The following SLCO3A1 variants were observed in gnomAD, a reference collection of about 807,000 sequenced individuals.
SLCO3A1 encodes the protein solute carrier organic anion transporter family member 3A1, also known as PGE1 transporter.
Under a neutral mutation model 63.1 loss-of-function variants are expected in SLCO3A1, and 27 were observed. The ratio of observed to expected loss-of-function variants is 0.43; its 90% confidence interval spans 0.32 to 0.59. The LOEUF is 0.59. Ranked by LOEUF, SLCO3A1 falls within the 20% of genes least tolerant of loss-of-function variation. The pLI is 0.09. For synonymous variants in SLCO3A1, 473 were observed against 409.9 expected (o/e 1.15, Z -1.86); for missense variants, 773 against 945.8 (o/e 0.82, Z 2.40).
At chr15:91,951,558 C>CTTT (rs527858153) in intron 2 of SLCO3A1, among the ~76,000 whole-genome samples, 2 of 138,106 alleles carry the variant, frequency 1.4e-5, no homozygotes, top group African/African-American at 5.3e-5. Flanking sequence ...TTTTTCTTTT[C>CTTT]TTTTTTTTTT....
chr15:92,028,116 G>C (rs893388561), intron 2 of SLCO3A1, among the ~76,000 whole-genome samples: 2 of 152,178 alleles, frequency 1.3e-5, no homozygotes, highest in Non-Finnish European at 2.9e-5. Context: ...AGCACCATGT[G>C]GGAAACAAAG....
At chr15:92,074,891 C>T (rs1423741150) in intron 2 of SLCO3A1, among the ~76,000 whole-genome samples, 3 of 152,134 alleles carry the variant, frequency 2.0e-5, no homozygotes, top group East Asian at 1.9e-4. Context: ...ACTTCACACC[C>T]GTGGCATAGA....
At chr15:91,891,629 T>C (rs886472920) in intron 1 of SLCO3A1, among the ~76,000 whole-genome samples, 1 of 152,208 alleles carries the variant, frequency 6.6e-6, no homozygotes, top group African/African-American at 2.4e-5. Context: ...TCTCTACATA[T>C]ACAAAATTAG....
chr15:92,053,697 T>C (rs1213029398), intron 2 of SLCO3A1, among the ~76,000 whole-genome samples: 1 of 15,262 alleles, frequency 6.6e-5, no homozygotes, highest in Non-Finnish European at 3.1e-4. Flanking sequence ...TGTTTGTTTG[T>C]TTTTTTTTTT....
rs1567092399 is a variant in SLCO3A1, at chr15:92,053,684, G to GTTTTTTT, written c.647-41194_647-41193insTTTTTTT. Among the ~76,000 whole-genome samples, 16 of 14,912 alleles carry GTTTTTTT rather than the reference G, an allele frequency of 1.1e-3. 1 individual carries two copies. The highest frequency in any genetic ancestry group is 1.7e-3 in the African/African-American group (16 of 9,178). 9.8% of individuals were successfully genotyped at this position (14,912 alleles called of 152,430 possible). On this transcript the variant is annotated intron_variant, in intron 2 of 9. Coordinates refer to ENST00000318445, the MANE Select transcript of SLCO3A1 (RefSeq NM_013272.4). ...TTGTGATTTTATGTTTTGTTTTTTT[G>GTTTTTTT]TTTGTTTGTTTGTTTTTTTTTTTTT...
At chr15:91,926,939 G>A (rs1241125303) in intron 2 of SLCO3A1, among the ~76,000 whole-genome samples, 1 of 152,138 alleles carries the variant, frequency 6.6e-6, no homozygotes, top group African/African-American at 2.4e-5. Context: ...TTGGTGACAG[G>A]CATTTTGGGG....
At chr15:92,005,343 GA>G (rs1381618287) in intron 2 of SLCO3A1, among the ~76,000 whole-genome samples, 1 of 152,224 alleles carries the variant, frequency 6.6e-6, no homozygotes, top group Non-Finnish European at 1.5e-5. Flanking sequence ...GAGGTGCAGT[GA>G]TGGCCATAGT....
intron 2 of SLCO3A1, among the ~76,000 whole-genome samples, chr15:92,006,567 C>G (rs553199190): frequency 2.0e-5 from 3 of 152,262 alleles, no homozygotes; most frequent in South Asian, 4.1e-4. Context: ...TCTGCCTGAT[C>G]CAGCCCTTTC....
chr15:91,957,807 T>C (rs557269066), intron 2 of SLCO3A1, among the ~76,000 whole-genome samples: 5 of 152,184 alleles, frequency 3.3e-5, no homozygotes, highest in Non-Finnish European at 7.3e-5. Context: ...TAATTAGATA[T>C]ATAGTTTCTG....
intron 2 of SLCO3A1, among the ~76,000 whole-genome samples, chr15:91,943,676 A>G (rs1899700557): frequency 6.6e-6 from 1 of 152,196 alleles, no homozygotes; most frequent in South Asian, 2.1e-4. Flanking sequence ...TTTCATACCC[A>G]GTGCATAATT....
intron 4 of SLCO3A1, among the ~76,000 whole-genome samples, chr15:92,111,255 C>G (rs942137458): frequency 6.6e-5 from 10 of 152,194 alleles, no homozygotes; most frequent in Non-Finnish European, 1.0e-4. Context: ...TCAGCCTCCT[C>G]CATCCATTAC....
At chr15:91,858,368 A>T (rs1896974097) in intron 1 of SLCO3A1, among the ~76,000 whole-genome samples, 1 of 150,960 alleles carries the variant, frequency 6.6e-6, no homozygotes, top group African/African-American at 2.4e-5. Context: ...GTAGTAAGAA[A>T]TAAAATTACC....
chr15:92,158,448 A>G (rs1419020418), intron 9 of SLCO3A1, among the ~76,000 whole-genome samples: 1 of 152,190 alleles, frequency 6.6e-6, no homozygotes, highest in Non-Finnish European at 1.5e-5. Flanking sequence ...GTTTATTTGT[A>G]TGTGAAATAA....
intron 2 of SLCO3A1, among the ~76,000 whole-genome samples, chr15:92,065,355 T>A (rs1306901944): frequency 6.6e-6 from 1 of 152,204 alleles, no homozygotes; most frequent in Non-Finnish European, 1.5e-5. Flanking sequence ...CCCAAAATGC[T>A]GGGATTATAG....
chr15:92,058,274 C>T (rs2047045332), intron 2 of SLCO3A1, among the ~76,000 whole-genome samples: 2 of 152,128 alleles, frequency 1.3e-5, no homozygotes, highest in South Asian at 4.1e-4. Flanking sequence ...AGTCTAAGTT[C>T]AGTGCCCTTT....
In SLCO3A1 at chr15:91,861,985, A is replaced by G. The variant is rs372261007; in HGVS notation, c.180+7897A>G. ...GGGTGGGGCGGGTGGGGCAGGAAGA[A>G]GTGTGAACTCATCTTTCCCTTTTGC... On this transcript the variant is annotated intron_variant, in intron 1 of 9. Coordinates refer to ENST00000318445, the MANE Select transcript of SLCO3A1 (RefSeq NM_013272.4). Among the ~76,000 whole-genome samples the G allele has an allele frequency of 2.0e-5, 3 of 151,804 alleles. No homozygotes were observed. The South Asian group carries it at 6.2e-4, about 32-fold the overall frequency.
rs1351824315 is a variant in SLCO3A1 at position 92,131,762 on chromosome 15, C to T, written c.1512+3273C>T. Among the ~76,000 whole-genome samples the T allele has an allele frequency of 1.4e-5, 2 of 145,762 alleles. 1 individual carries two copies. The highest frequency in any genetic ancestry group is 5.0e-5 in the African/African-American group (2 of 40,190). On this transcript the variant is annotated intron_variant, in intron 7 of 9. Transcript: ENST00000318445. ...TTGTTTCTCTTATCTGCAGCAGTCT[C>T]TCCCTTCTAAGCTCTGTCTTATCTC...
chr15:92,095,750 C>A (rs753789694), intron 3 of SLCO3A1, among the ~76,000 whole-genome samples: 2 of 152,150 alleles, frequency 1.3e-5, no homozygotes. Flanking sequence ...CTTGGCTCAT[C>A]GTGGTGACCT....
At chr15:91,983,733 G>A (rs896343408) in intron 2 of SLCO3A1, among the ~76,000 whole-genome samples, 1 of 152,080 alleles carries the variant, frequency 6.6e-6, no homozygotes, top group East Asian at 1.9e-4. Context: ...CATGTTGATC[G>A]GCATACAAGA....
Sources: gnomAD v4.1 joint callset for allele counts (sites outside exome capture counted in the v4.1 genomes callset) on GRCh38, gnomAD v4.1.1 for gene constraint, MANE v1.5 for transcripts, NCBI Gene and HGNC (gene_info 2026-07-23, HGNC 2026-07-21) for gene names.